ASIC2: variants seen among roughly 807,000 people sequenced by gnomAD.
The protein encoded by ASIC2 is acid-sensing ion channel 2.
A neutral mutation model predicts 57.3 loss-of-function variants in ASIC2; 25 were observed. The ratio of observed to expected loss-of-function variants is 0.44; its 90% CI spans 0.32 to 0.61. The LOEUF (loss-of-function observed/expected upper bound fraction) is 0.61, where lower values mean the gene tolerates loss of function less well. Ranked by LOEUF, ASIC2 falls within the 20% of genes least tolerant of loss-of-function variation. The pLI is 0.06. For synonymous variants in ASIC2, 319 were observed against 307.5 expected (o/e 1.04, Z -0.39); for missense variants, 641 against 738.1 (o/e 0.87, Z 1.52).
chr17:33,719,774 G>A (rs1379853444), intron 1 of ASIC2, among the ~76,000 whole-genome samples: 1 of 152,216 alleles, frequency 6.6e-6, no homozygotes, highest in East Asian at 1.9e-4. Flanking sequence ...GGGCTGGGGA[G>A]CTTCAGTGCT....
At chr17:33,891,907 T>C (rs1379217909) in intron 1 of ASIC2, among the ~76,000 whole-genome samples, 1 of 152,206 alleles carries the variant, frequency 6.6e-6, no homozygotes, top group Non-Finnish European at 1.5e-5. Context: ...TGGAGCTATT[T>C]GGGTGGTGGT....
chr17:34,060,422 T>C (rs1908929506), intron 1 of ASIC2, among the ~76,000 whole-genome samples: 1 of 152,148 alleles, frequency 6.6e-6, no homozygotes, highest in Non-Finnish European at 1.5e-5. Flanking sequence ...TCTGGTAATA[T>C]GACAAAACAA....
intron 1 of ASIC2, among the ~76,000 whole-genome samples, chr17:33,548,048 C>G (rs1016576311): frequency 1.3e-5 from 2 of 152,150 alleles, no homozygotes; most frequent in African/African-American, 2.4e-5. Flanking sequence ...GTCTCTCAGA[C>G]GTTAACAGGG....
At chr17:33,230,701 G>C (rs567818805) in intron 1 of ASIC2, among the ~76,000 whole-genome samples, 240 of 152,118 alleles carry the variant, frequency 1.6e-3, no homozygotes, top group African/African-American at 5.5e-3. Context: ...CAGTGCGAAG[G>C]GGGTAAGAAG....
chr17:33,539,703 C>G (rs1449844662), intron 1 of ASIC2, among the ~76,000 whole-genome samples: 3 of 152,214 alleles, frequency 2.0e-5, no homozygotes, highest in Non-Finnish European at 1.5e-5. Flanking sequence ...GGAAGCTCAG[C>G]TCAATCCTTG....
chr17:33,739,397 C>T (rs544650722), intron 1 of ASIC2, among the ~76,000 whole-genome samples: 8 of 152,274 alleles, frequency 5.3e-5, no homozygotes, highest in African/African-American at 1.4e-4. Flanking sequence ...TATGTGTGAC[C>T]TTAGACAGAT....
chr17:33,223,706 G>A (rs1023791922), intron 1 of ASIC2, among the ~76,000 whole-genome samples: 5 of 152,258 alleles, frequency 3.3e-5, no homozygotes, highest in Non-Finnish European at 4.4e-5. Context: ...AGCCTAAAAT[G>A]GAAGTGTTAA....
At chr17:33,612,390 T>TA (rs966969162) in intron 1 of ASIC2, among the ~76,000 whole-genome samples, 5 of 152,046 alleles carry the variant, frequency 3.3e-5, no homozygotes, top group African/African-American at 4.8e-5. Context: ...TTTGAGAGAT[T>TA]AAAAAAAATG....
intron 1 of ASIC2, among the ~76,000 whole-genome samples, chr17:33,750,467 G>A (rs1360950743): frequency 1.3e-5 from 2 of 152,084 alleles, no homozygotes; most frequent in Non-Finnish European, 2.9e-5. Context: ...TGAGATGCTC[G>A]CTAGGAACCT....
chr17:33,183,207 C>G (rs1040479333), intron 1 of ASIC2, among the ~76,000 whole-genome samples: 3 of 152,178 alleles, frequency 2.0e-5, no homozygotes, highest in Admixed American at 6.5e-5. Context: ...CTCACAGAAA[C>G]TAACCTTTAT....
intron 1 of ASIC2, among the ~76,000 whole-genome samples, chr17:33,465,978 C>A (rs1912852205): frequency 6.6e-6 from 1 of 152,144 alleles, no homozygotes; most frequent in South Asian, 2.1e-4. Flanking sequence ...TGTAGTCAGA[C>A]TTAGAAAAGA....
At chr17:33,408,368 T>A (rs901953747) in intron 1 of ASIC2, among the ~76,000 whole-genome samples, 1 of 151,966 alleles carries the variant, frequency 6.6e-6, no homozygotes, top group Non-Finnish European at 1.5e-5. Flanking sequence ...TGGTTGTAGG[T>A]GAAGGGTAGT....
chr17:33,659,022 AT>A, intron 1 of ASIC2, among the ~76,000 whole-genome samples: 1 of 152,228 alleles, frequency 6.6e-6, no homozygotes, highest in East Asian at 1.9e-4. Flanking sequence ...AAATAAAATA[AT>A]TTTTTAAAAA....
chr17:33,743,597 A>T (rs1427623685), intron 1 of ASIC2, among the ~76,000 whole-genome samples: 6 of 152,272 alleles, frequency 3.9e-5, no homozygotes, highest in African/African-American at 1.2e-4. Context: ...TCCTCTGACC[A>T]GTTATGGCCT....
intron 1 of ASIC2, among the ~76,000 whole-genome samples, chr17:33,553,629 G>A (rs1321262311): frequency 6.6e-6 from 1 of 152,070 alleles, no homozygotes; most frequent in Non-Finnish European, 1.5e-5. Flanking sequence ...GAGCCACTGT[G>A]CCCAGCTGAG....
At chr17:33,481,553 G>A (rs1047540257) in intron 1 of ASIC2, among the ~76,000 whole-genome samples, 2 of 152,168 alleles carry the variant, frequency 1.3e-5, no homozygotes, top group African/African-American at 4.8e-5. Context: ...TGTCCTTGCT[G>A]TGTCCCCAGT....
At chr17:33,283,169 T>C (rs11657148) in intron 1 of ASIC2, among the ~76,000 whole-genome samples, 47,025 of 152,030 alleles carry the variant, frequency 0.31, 7,488 homozygotes, top group African/African-American at 0.39. Flanking sequence ...GAGCCCAGCA[T>C]CTCTCCCCAG....
chr17:33,850,225 A>G (rs1431887369), intron 1 of ASIC2, among the ~76,000 whole-genome samples: 1 of 152,206 alleles, frequency 6.6e-6, no homozygotes, highest in Non-Finnish European at 1.5e-5. Context: ...CAGGCCGACA[A>G]ATGAACCTGT....
At chr17:33,282,946 T>C (rs1276474741) in intron 1 of ASIC2, among the ~76,000 whole-genome samples, 1 of 152,212 alleles carries the variant, frequency 6.6e-6, no homozygotes, top group Non-Finnish European at 1.5e-5. Flanking sequence ...AAGTCCCTTT[T>C]CTACATAGGG....
Sources: gnomAD v4.1 joint callset for allele counts (sites outside exome capture counted in the v4.1 genomes callset) on GRCh38, gnomAD v4.1.1 for gene constraint, MANE v1.5 for transcripts, NCBI Gene and HGNC (gene_info 2026-07-23, HGNC 2026-07-21) for gene names.